The following GNAZ variants were observed in gnomAD, a reference collection of about 807,000 sequenced individuals.
GNAZ encodes the protein G protein subunit alpha z, also known as guanine nucleotide-binding protein G(z) subunit alpha.
A neutral mutation model predicts 25.4 loss-of-function variants in GNAZ; 3 were observed. The observed-to-expected ratio is 0.12, with a 90% confidence interval of 0.05 to 0.30. GNAZ has a LOEUF of 0.30. Among genes scored for constraint, GNAZ ranks in the 10% least tolerant of loss-of-function variants. GNAZ has a pLI of 1.00. For synonymous variants in GNAZ, 211 were observed against 205.7 expected (o/e 1.03, Z -0.22); for missense variants, 241 against 501.8 (o/e 0.48, Z 4.97).
rs539085087 is a variant in GNAZ at position 23,082,278 on chromosome 22, G to A, written c.-450+11708G>A. Among the ~76,000 whole-genome samples, 8 of 151,220 alleles carry A rather than the reference G, an allele frequency of 5.3e-5. No individual in the cohort carries two copies. The East Asian group carries it at 6.0e-4, about 11-fold the overall frequency. ...GTTGACCAGGCTGGAGTGTAATGGC[G>A]CGATCTCGGCTCACTGCAACCTCCG... On this transcript the variant is annotated intron_variant, in intron 1 of 2. Transcript: ENST00000615612.
chr22:23,073,659 C>T (rs2068432778), intron 1 of GNAZ, among the ~76,000 whole-genome samples: 1 of 152,234 alleles, frequency 6.6e-6, no homozygotes, highest in African/African-American at 2.4e-5. Flanking sequence ...ACAGGGACCG[C>T]TTGACAGATC....
chr22:23,075,626 G>T (rs932445750), intron 1 of GNAZ, among the ~76,000 whole-genome samples: 1 of 152,188 alleles, frequency 6.6e-6, no homozygotes, highest in Non-Finnish European at 1.5e-5. Context: ...GCTAAGAAGC[G>T]AGACTGTTAA....
At chr22:23,077,029 A>AC (rs1368482251) in intron 1 of GNAZ, among the ~76,000 whole-genome samples, 1 of 152,228 alleles carries the variant, frequency 6.6e-6, no homozygotes, top group Non-Finnish European at 1.5e-5. Context: ...CGTCCAAAGC[A>AC]TGCTGTGCTG....
chr22:23,085,326 C>T (rs2068788147), intron 1 of GNAZ, among the ~76,000 whole-genome samples: 3 of 152,224 alleles, frequency 2.0e-5, no homozygotes, highest in African/African-American at 7.2e-5. Context: ...AGCTCCTTGA[C>T]ACACAGACTC....
chr22:23,122,916 G>C (rs2070072958), intron 2 of GNAZ, among the ~76,000 whole-genome samples, 171 bp from the exon 3 acceptor site: 1 of 152,228 alleles, frequency 6.6e-6, no homozygotes, highest in African/African-American at 2.4e-5. Flanking sequence ...ATTTCCGTGG[G>C]AGGTGGGTGA....
chr22:23,097,293 C>A (rs888741362), intron 2 of GNAZ, among the ~76,000 whole-genome samples: 2 of 152,204 alleles, frequency 1.3e-5, no homozygotes, highest in African/African-American at 4.8e-5. Flanking sequence ...CCTCCGAGGT[C>A]ACTCCTTGCT....
intron 1 of GNAZ, among the ~76,000 whole-genome samples, chr22:23,074,872 T>G (rs2068472908): frequency 6.6e-6 from 1 of 151,942 alleles, no homozygotes; most frequent in Non-Finnish European, 1.5e-5. Flanking sequence ...GGGCCCCCAT[T>G]TGAAAATTAT....
At chr22:23,112,883 C>T (rs1467577216) in intron 2 of GNAZ, among the ~76,000 whole-genome samples, 1 of 152,186 alleles carries the variant, frequency 6.6e-6, no homozygotes, top group African/African-American at 2.4e-5. Flanking sequence ...GGGGACCCCA[C>T]AGCTCCAGCT....
At position 23,123,622 on chromosome 22, in the gene GNAZ, T is replaced by A. The variant is rs1232537058; in HGVS notation, c.*191T>A. The A allele has an allele frequency of 3.4e-6, 2 of 595,296 alleles. No homozygotes were observed. The highest frequency in any genetic ancestry group is 5.9e-5 in the Admixed American group (2 of 33,768). 36.9% of individuals were successfully genotyped at this position (595,296 alleles called of 1,614,324 possible). On this transcript the variant is annotated 3_prime_UTR_variant, in exon 3 of 3. Transcript: ENST00000615612. ...ATTTACGGATAGATTGCTAGGTAGA[T>A]AGACACACACACATGCACACACACA...
chr22:23,097,893 C>T (rs1026003579), intron 2 of GNAZ, among the ~76,000 whole-genome samples: 2 of 152,362 alleles, frequency 1.3e-5, no homozygotes, highest in African/African-American at 2.4e-5. Flanking sequence ...CAGTGGCAGG[C>T]GTGGCAAATT....
chr22:23,096,984 G>C (rs2069144325), intron 2 of GNAZ, among the ~76,000 whole-genome samples: 1 of 152,242 alleles, frequency 6.6e-6, no homozygotes, highest in South Asian at 2.1e-4. Flanking sequence ...AGGGTGGGGA[G>C]CCGGGTGAAG....
At chr22:23,098,984 C>G (rs1325316538) in intron 2 of GNAZ, among the ~76,000 whole-genome samples, 1 of 152,200 alleles carries the variant, frequency 6.6e-6, no homozygotes, top group Admixed American at 6.5e-5. Context: ...CAAGAACAGG[C>G]CATGCTCGTT....
At chr22:23,113,388 C>T (rs146855980) in intron 2 of GNAZ, among the ~76,000 whole-genome samples, 113 of 152,348 alleles carry the variant, frequency 7.4e-4, no homozygotes, top group Non-Finnish European at 1.2e-3. Context: ...CAGCTGCTGC[C>T]ACCACCTTGA....
chr22:23,079,107 A>T lies in GNAZ; in HGVS notation c.-450+8537A>T, dbSNP rs927180986. On this transcript the variant is annotated intron_variant, in intron 1 of 2. Transcript: ENST00000615612. ...GGGCACATGGGATACATCAATGAAC[A>T]AACAGACCAACAGTCCCTGCCCTAT... Among the ~76,000 whole-genome samples the T allele has an allele frequency of 5.9e-5, 9 of 152,214 alleles. No homozygotes were observed. The South Asian group carries it at 1.9e-3, about 31-fold the overall frequency.
At chr22:23,118,735 G>C (rs1290367816) in intron 2 of GNAZ, among the ~76,000 whole-genome samples, 1 of 152,212 alleles carries the variant, frequency 6.6e-6, no homozygotes, top group Non-Finnish European at 1.5e-5. Flanking sequence ...GGACAAGGGG[G>C]TGATGCACTA....
intron 1 of GNAZ, among the ~76,000 whole-genome samples, chr22:23,084,799 G>T (rs2068772904): frequency 6.6e-6 from 1 of 152,224 alleles, no homozygotes; most frequent in Admixed American, 6.5e-5. Context: ...AGGCAGGGAA[G>T]TCAGGTCCCT....
At chr22:23,097,860 G>A (rs747088290) in intron 2 of GNAZ, among the ~76,000 whole-genome samples, 2 of 152,216 alleles carry the variant, frequency 1.3e-5, no homozygotes, top group Non-Finnish European at 2.9e-5. Flanking sequence ...ACGGGCTTGC[G>A]CCACTGGCCT....
At chr22:23,096,803 C>A in intron 2 of GNAZ, among the ~76,000 whole-genome samples, 1 of 152,272 alleles carries the variant, frequency 6.6e-6, no homozygotes, top group East Asian at 1.9e-4. Context: ...GTCTGCAAAT[C>A]TGGCAGAGAT....
chr22:23,124,461 A>G lies in GNAZ; in HGVS notation c.*1030A>G. The G allele has an allele frequency of 2.2e-6, 1 of 446,294 alleles. No homozygotes were observed. The highest frequency in any genetic ancestry group is 4.7e-6 in the Non-Finnish European group (1 of 213,108). The allele number at this position is 446,294 out of a possible 1,614,324, so 27.6% of individuals were successfully genotyped here. A position where few individuals can be genotyped will look rare whatever the true frequency, so the allele number is the denominator to read the frequency against. On this transcript the variant is annotated 3_prime_UTR_variant, in exon 3 of 3. Transcript: ENST00000615612. ...CCTCGCGGGACACGTGTTGTACATA[A>G]GCCTCTGCAGTGTCCTCTTGTTAAT...
Sources: allele counts gnomAD v4.1 joint callset (sites outside exome capture counted in the v4.1 genomes callset), GRCh38; gene constraint gnomAD v4.1.1; transcripts MANE v1.5; gene names NCBI Gene and HGNC (gene_info 2026-07-23, HGNC 2026-07-21).